HTR4: variants seen among roughly 807,000 people sequenced by gnomAD.
The protein encoded by HTR4 is 5-hydroxytryptamine (serotonin) receptor 4, G protein-coupled.
A neutral mutation model predicts 36.8 loss-of-function variants in HTR4; 16 were observed. The ratio of observed to expected loss-of-function variants is 0.43; its 90% CI spans 0.29 to 0.66. The LOEUF is 0.66. Ranked by LOEUF, HTR4 falls within the 30% of genes least tolerant of loss-of-function variation. The pLI, the probability that HTR4 is intolerant of heterozygous loss-of-function variation, is 0.13. For synonymous variants in HTR4, 189 were observed against 185.1 expected, an observed-to-expected ratio of 1.02 and a Z score of -0.17; for missense variants, 438 against 490.9, an observed-to-expected ratio of 0.89 and a Z score of 1.02.
intron 2 of HTR4, among the ~76,000 whole-genome samples, chr5:148,597,263 G>A (rs1031434888): frequency 1.3e-5 from 2 of 152,160 alleles, no homozygotes; most frequent in Admixed American, 6.5e-5. Flanking sequence ...TAGGATGCAT[G>A]TCATATTCAT....
In HTR4 at chr5:148,561,382, A is replaced by C. The variant is rs1231234375; in HGVS notation, c.27-11120T>G. On this transcript the variant is annotated intron_variant, in intron 2 of 6. Transcript: ENST00000377888. ...AGGATAGATAGGCAAGGTGAGATCT[A>C]CATCTGGAGAGATACCCACTGCTGC... is the stretch of plus-strand genomic sequence containing the variant. Among the ~76,000 whole-genome samples, 2 of 152,206 alleles carry C rather than the reference A, an allele frequency of 1.3e-5. 1 individual carries two copies. The highest frequency in any genetic ancestry group is 2.9e-5 in the Non-Finnish European group (2 of 68,032).
chr5:148,636,978 A>G lies in HTR4; in HGVS notation c.26+11T>C, dbSNP rs778997678. On this transcript the variant is annotated intron_variant, in intron 2 of 6. Coordinates refer to ENST00000377888, the MANE Select transcript of HTR4 (RefSeq NM_000870.7). The stretch of plus-strand genomic sequence containing the variant: ...AGTTTACAACACAATATGTACAGAA[A>G]GGTAACATACCTCACATTAGCATCA... 1.3e-6 allele frequency: 2 copies of G among 1,552,544 alleles called. No homozygotes were observed. Among genetic ancestry groups the G allele is most frequent in the Non-Finnish European group, 8.9e-7 (1 of 1,125,498 alleles).
At chr5:148,478,084 T>C (rs2113711385), downstream of HTR4, among the ~76,000 whole-genome samples, 1 of 152,336 alleles carries the variant, frequency 6.6e-6, no homozygotes. Flanking sequence ...GTAGAGACCT[T>C]GTCCGGTTTC....
intron 2 of HTR4, among the ~76,000 whole-genome samples, chr5:148,613,051 C>T (rs1176474603): frequency 7.2e-6 from 1 of 139,292 alleles, no homozygotes; most frequent in Admixed American, 7.1e-5. Flanking sequence ...GCTTACCAAC[C>T]AAAAAGAGTC....
chr5:148,552,382 A>G (rs1759739981), intron 2 of HTR4, among the ~76,000 whole-genome samples: 2 of 152,234 alleles, frequency 1.3e-5, no homozygotes, highest in South Asian at 4.1e-4. Context: ...CTGTACACTT[A>G]GAAAAAAGAC....
intron 2 of HTR4, among the ~76,000 whole-genome samples, chr5:148,605,664 T>C (rs755125241): frequency 1.5e-4 from 23 of 152,078 alleles, no homozygotes; most frequent in Non-Finnish European, 2.9e-4. Context: ...TCAGGACAAA[T>C]TATCTATGGC....
chr5:148,491,294 G>GT (rs1210021162), intron 6 of HTR4, among the ~76,000 whole-genome samples: 3 of 152,142 alleles, frequency 2.0e-5, no homozygotes, highest in African/African-American at 7.2e-5. Flanking sequence ...CCTAGAAACC[G>GT]TATCAGTCGC....
At chr5:148,469,111 T>C (rs1755504720) in intron 5 of HTR4, among the ~76,000 whole-genome samples, 1 of 152,152 alleles carries the variant, frequency 6.6e-6, no homozygotes, top group South Asian at 2.1e-4. Context: ...TTCTTAAACA[T>C]AATTTTTATT....
At position 148,509,456 on chromosome 5, in the gene HTR4, C is replaced by T; in HGVS notation, c.1076G>A (p.Arg359Lys). The change falls in exon 6 of 7, where the codon AGG becomes AAG. Residue 359 changes from arginine (R) to lysine (K), a missense_variant and splice_region_variant. Physicochemically the swap from Arg to Lys is conservative, Grantham distance 26. Transcript: ENST00000377888. ...CAATGAACTCCCTTAGTATACTCACCTTAGTACATGTGTGGATCCATTAAT... is the reference window on the plus strand; with the variant it reads ...CAATGAACTCCCTTAGTATACTCACTTTAGTACATGTGTGGATCCATTAAT... The part of the protein sequence containing the change: ...TTINGSTHVL[R>K]DAVECGGQWE... The T allele has an allele frequency of 2.5e-6, 4 of 1,600,574 alleles. No homozygotes were observed. Among genetic ancestry groups the T allele is most frequent in the Non-Finnish European group, 3.4e-6 (4 of 1,171,968 alleles).
intron 2 of HTR4, among the ~76,000 whole-genome samples, chr5:148,553,094 G>A (rs1759775837): frequency 1.3e-5 from 2 of 152,178 alleles, no homozygotes; most frequent in African/African-American, 4.8e-5. Flanking sequence ...CACCTACTCT[G>A]TGTTAGGCAT....
chr5:148,493,978 C>T (rs1255132006), intron 6 of HTR4, among the ~76,000 whole-genome samples: 1 of 152,162 alleles, frequency 6.6e-6, no homozygotes, highest in Non-Finnish European at 1.5e-5. Context: ...TAGCAGAAAC[C>T]TCTGAGGATC....
intron 4 of HTR4, among the ~76,000 whole-genome samples, chr5:148,537,352 C>A (rs2113824906): frequency 6.6e-6 from 1 of 151,954 alleles, no homozygotes; most frequent in Non-Finnish European, 1.5e-5. Context: ...AAAAAATCAA[C>A]CCCAAAAATA....
At chr5:148,536,837 G>C (rs996013072) in intron 4 of HTR4, among the ~76,000 whole-genome samples, 2 of 152,148 alleles carry the variant, frequency 1.3e-5, no homozygotes, top group Non-Finnish European at 2.9e-5. Context: ...CACTGAGGCA[G>C]AAAATTAACA....
At chr5:148,584,281 A>C (rs1761261978) in intron 2 of HTR4, among the ~76,000 whole-genome samples, 1 of 152,094 alleles carries the variant, frequency 6.6e-6, no homozygotes, top group Non-Finnish European at 1.5e-5. Flanking sequence ...TTTCCCCCAA[A>C]AAAGGATTTT....
At chr5:148,499,256 T>G (rs945763113) in intron 6 of HTR4, among the ~76,000 whole-genome samples, 7 of 152,192 alleles carry the variant, frequency 4.6e-5, no homozygotes, top group Non-Finnish European at 7.4e-5. Flanking sequence ...TCAAATATAG[T>G]AACAAACATT....
intron 4 of HTR4, among the ~76,000 whole-genome samples, chr5:148,534,231 G>C (rs1166467875): frequency 6.6e-6 from 1 of 152,210 alleles, no homozygotes; most frequent in Non-Finnish European, 1.5e-5. Context: ...ATTTGGGCTG[G>C]TAACAGGTAT....
At chr5:148,546,383 C>A (rs1759384804) in intron 4 of HTR4, among the ~76,000 whole-genome samples, 1 of 152,188 alleles carries the variant, frequency 6.6e-6, no homozygotes, top group Non-Finnish European at 1.5e-5. Context: ...ATCACTTATT[C>A]CCATTCCCAG....
intron 1 of HTR4, chr5:148,644,956 A>G (rs1753838245): frequency 6.6e-6 from 1 of 152,206 alleles, no homozygotes; most frequent in Non-Finnish European, 1.5e-5. Context: ...ATCTAATATG[A>G]ATACACTGTT....
At chr5:148,453,689 C>A (rs147603630) in intron 5 of HTR4, among the ~76,000 whole-genome samples, 1 of 151,410 alleles carries the variant, frequency 6.6e-6, no homozygotes, top group Non-Finnish European at 1.5e-5. Flanking sequence ...GCCAAGTGGG[C>A]GGGGGTGGGC....
Sources: allele counts gnomAD v4.1 joint callset (sites outside exome capture counted in the v4.1 genomes callset), GRCh38; gene constraint gnomAD v4.1.1; transcripts MANE v1.5; gene names NCBI Gene and HGNC (gene_info 2026-07-23, HGNC 2026-07-21).